Variants in VWA5B1 observed in about 807,000 individuals in gnomAD.
VWA5B1 encodes the protein von Willebrand factor A domain containing 5B1.
VWA5B1 carries 115 observed loss-of-function variants against 118.2 expected under a neutral mutation model. The observed-to-expected ratio is 0.97, with a 90% CI of 0.84 to 1.14. VWA5B1 has a LOEUF of 1.14. VWA5B1 is among the 50% of genes most tolerant of loss of function. The probability of loss-of-function intolerance (pLI) is 0.00; values close to 1 mark genes in which losing one functional copy is unlikely to be tolerated. For synonymous variants in VWA5B1, 682 were observed against 658.4 expected (o/e 1.04, Z -0.55); for missense variants, 1,596 against 1,603.8 (o/e 1.00, Z 0.08).
chr1:20,341,644 T>C (rs2089877360), intron 14 of VWA5B1, among the ~76,000 whole-genome samples: 2 of 152,242 alleles, frequency 1.3e-5, no homozygotes, highest in South Asian at 4.1e-4. Context: ...AGTTAGTCTT[T>C]TACTCCCAGT....
At chr1:20,350,957 T>G in intron 20 of VWA5B1, 31 bp downstream of exon 20, 2 of 1,547,150 alleles carry the variant, frequency 1.3e-6, no homozygotes, top group Non-Finnish European at 1.7e-6. Flanking sequence ...AGGTACACTC[T>G]CCTGCCACCC....
intron 20 of VWA5B1, 117 bp from the exon 21 acceptor site, chr1:20,351,938 A>G (rs1344309577): frequency 2.9e-6 from 2 of 683,530 alleles, no homozygotes; most frequent in Non-Finnish European, 4.9e-6. Flanking sequence ...CTTAGCTATC[A>G]GATAAGGAGG....
intron 1 of VWA5B1, among the ~76,000 whole-genome samples, chr1:20,306,336 A>G (rs971596133): frequency 1.3e-5 from 2 of 151,682 alleles, no homozygotes; most frequent in African/African-American, 2.4e-5. Flanking sequence ...GCTCAGATCA[A>G]TGGGGGCTTG....
intron 5 of VWA5B1, 47 bp from the exon 6 acceptor site, chr1:20,318,543 C>T (rs1570112877): frequency 6.5e-7 from 1 of 1,549,158 alleles, no homozygotes; most frequent in Non-Finnish European, 8.7e-7. Context: ...TCCTCTCTCT[C>T]CTGACCTCAT....
intron 12 of VWA5B1, among the ~76,000 whole-genome samples, chr1:20,334,921 T>C (rs1056847688): frequency 7.9e-5 from 12 of 152,352 alleles, no homozygotes; most frequent in African/African-American, 2.9e-4. Flanking sequence ...CAAGGATTTA[T>C]TGTAGTATTT....
Position 20,343,411 on chromosome 1 carries a change from G to A in VWA5B1, c.2626+18G>A, listed in dbSNP as rs1288156460. ...CGAGCAGGGTGAGCGCCACGGAACT[G>A]CGCCCCTCCCGCGGACGGCCTCCGG... On this transcript the variant is annotated intron_variant, in intron 16 of 21. Transcript: ENST00000289815. 1.3e-6 allele frequency: 2 copies of A among 1,491,248 alleles called. No individual in the cohort carries two copies. The highest frequency in any genetic ancestry group is 8.9e-7 in the Non-Finnish European group (1 of 1,121,546). 92.4% of individuals were successfully genotyped at this position (1,491,248 alleles called of 1,614,324 possible). A position where few individuals can be genotyped will look rare whatever the true frequency, so the allele number is the denominator to read the frequency against.
chr1:20,297,424 G>T (rs996954035), intron 1 of VWA5B1, among the ~76,000 whole-genome samples: 2 of 152,194 alleles, frequency 1.3e-5, no homozygotes, highest in African/African-American at 4.8e-5. Context: ...GACACACGTC[G>T]CTTCCACACA....
Position 20,356,631 on chromosome 1 carries a change from G to A in VWA5B1, c.*2368G>A, listed in dbSNP as rs946243925. Among the ~76,000 whole-genome samples, 1 of 152,196 alleles carries A rather than the reference G, an allele frequency of 6.6e-6. No homozygotes were observed. Among genetic ancestry groups the A allele is most frequent in the Non-Finnish European group, 1.5e-5 (1 of 68,042 alleles). On this transcript the variant is annotated 3_prime_UTR_variant, in exon 22 of 22. Coordinates refer to ENST00000289815, the MANE Select transcript of VWA5B1 (RefSeq NM_001039500.3). ...AGAAATCCAGCAAGGTGGTGGGCATGCCACCCACTTCTCTAGGAAAGTTCC... is the reference window on the plus strand; with the variant it reads ...AGAAATCCAGCAAGGTGGTGGGCATACCACCCACTTCTCTAGGAAAGTTCC...
At chr1:20,336,829 G>A (rs543541259) in intron 13 of VWA5B1, among the ~76,000 whole-genome samples, 4 of 152,238 alleles carry the variant, frequency 2.6e-5, no homozygotes, top group Non-Finnish European at 5.9e-5. Flanking sequence ...CTGCCCTTCC[G>A]GAGCTTTCCA....
chr1:20,300,320 T>C (rs1489123628), intron 1 of VWA5B1, among the ~76,000 whole-genome samples: 3 of 152,116 alleles, frequency 2.0e-5, no homozygotes, highest in Non-Finnish European at 4.4e-5. Flanking sequence ...AGTCCTGATG[T>C]GGGTTGTCTC....
chr1:20,319,259 C>T (rs1336675383), intron 6 of VWA5B1, 123 bp from the exon 7 acceptor site: 16 of 1,403,040 alleles, frequency 1.1e-5, no homozygotes, highest in Admixed American at 2.3e-5. Context: ...GCAGCCAGGG[C>T]TTCCACCCCG....
At chr1:20,343,454 C>T (rs986575958) in intron 16 of VWA5B1, 61 bp downstream of exon 16, 1 of 1,453,388 alleles carries the variant, frequency 6.9e-7, no homozygotes, top group South Asian at 1.4e-5. Flanking sequence ...CCCCGCTCCA[C>T]AGCCGCTCCC....
intron 1 of VWA5B1, among the ~76,000 whole-genome samples, chr1:20,310,341 C>T (rs992011033): frequency 1.3e-5 from 2 of 152,176 alleles, no homozygotes; most frequent in South Asian, 2.1e-4. Context: ...AGGTCACATG[C>T]TTTCAAGCCT....
intron 7 of VWA5B1, among the ~76,000 whole-genome samples, chr1:20,319,724 C>A (rs879343454): frequency 2.0e-5 from 3 of 152,188 alleles, no homozygotes; most frequent in Non-Finnish European, 2.9e-5. Context: ...CCGCCTCCTG[C>A]CAGATCACCT....
intron 1 of VWA5B1, among the ~76,000 whole-genome samples, chr1:20,304,529 C>A (rs1168944783): frequency 6.6e-6 from 1 of 150,646 alleles, no homozygotes; most frequent in Non-Finnish European, 1.5e-5. Flanking sequence ...CAATGGGAAG[C>A]CATTACGCTA....
At chr1:20,291,385 CTT>C (rs869044063) in intron 1 of VWA5B1, among the ~76,000 whole-genome samples, 132 of 148,972 alleles carry the variant, frequency 8.9e-4, no homozygotes, top group Middle Eastern at 6.8e-3. Flanking sequence ...CTCTCTCTCT[CTT>C]TCTGTCTCCT....
At position 20,313,043 on chromosome 1, in the gene VWA5B1, C is replaced by G. The variant is rs1337845891; in HGVS notation, c.292+55C>G. 5 of 1,533,230 alleles carry G rather than the reference C, an allele frequency of 3.3e-6. No individual in the cohort carries two copies. In the East Asian group the frequency reaches 1.2e-4, roughly 38 times the overall value. The allele number at this position is 1,533,230 out of a possible 1,614,324, so 95.0% of individuals were successfully genotyped here. A position where few individuals can be genotyped will look rare whatever the true frequency, so the allele number is the denominator to read the frequency against. ...CCTGGGTTTGGCCAGCCAGAGGCTGCCTGGGCTGGAGCCTCAGGCCAACTG... is the reference window on the plus strand; with the variant it reads ...CCTGGGTTTGGCCAGCCAGAGGCTGGCTGGGCTGGAGCCTCAGGCCAACTG... On this transcript the variant is annotated intron_variant, in intron 3 of 21. Transcript: ENST00000289815.
intron 8 of VWA5B1, among the ~76,000 whole-genome samples, chr1:20,327,078 A>G (rs996725493): frequency 8.6e-5 from 13 of 151,874 alleles, no homozygotes; most frequent in African/African-American, 3.1e-4. Flanking sequence ...CACCTCCCTC[A>G]TTGTCACTAT....
chr1:20,300,887 TAGCC>T (rs1415717352), intron 1 of VWA5B1, among the ~76,000 whole-genome samples: 1 of 152,236 alleles, frequency 6.6e-6, no homozygotes, highest in Non-Finnish European at 1.5e-5. Context: ...CCAAGAGGTA[TAGCC>T]AGACCATATG....
Sources: gnomAD v4.1 joint callset for allele counts (sites outside exome capture counted in the v4.1 genomes callset) on GRCh38, gnomAD v4.1.1 for gene constraint, MANE v1.5 for transcripts, NCBI Gene and HGNC (gene_info 2026-07-23, HGNC 2026-07-21) for gene names.